Variants in GLOD4 observed in about 807,000 individuals in gnomAD.
The protein encoded by GLOD4 is glyoxalase domain containing 4.
GLOD4 carries 44 observed loss-of-function variants against 39.1 expected under a neutral mutation model. That is an observed-to-expected ratio of 1.13 (90% confidence interval 0.88 to 1.45). The LOEUF is 1.45. Among genes scored for constraint, GLOD4 ranks in the 40% most tolerant of loss-of-function variants. The pLI, the probability that GLOD4 is intolerant of heterozygous loss-of-function variation, is 0.00. For synonymous variants in GLOD4, 145 were observed against 135.0 expected (o/e 1.07, Z -0.52); for missense variants, 405 against 366.4 (o/e 1.11, Z -0.86).
In GLOD4 at chr17:779,228, T is replaced by A. The variant is rs1020833773; in HGVS notation, c.91-484A>T. On this transcript the variant is annotated intron_variant, in intron 1 of 8. Transcript: ENST00000301329. ...TACTCAGGAGGTTGAGGCAGGAGAA[T>A]CACTTGGACCATGAGATGGAGGTTG... Among the ~76,000 whole-genome samples the A allele has an allele frequency of 6.4e-5, 9 of 140,178 alleles. No homozygotes were observed. In the South Asian group the frequency reaches 1.8e-3, roughly 28 times the overall value. 92.0% of individuals were successfully genotyped at this position (140,178 alleles called of 152,430 possible).
intron 3 of GLOD4, 41 bp from the exon 4 acceptor site, chr17:775,960 A>G: frequency 6.3e-7 from 1 of 1,577,134 alleles, no homozygotes; most frequent in Non-Finnish European, 8.7e-7. Flanking sequence ...TGATCACAAC[A>G]GATATTTTAC....
At chr17:768,683 C>G (rs56028444) in intron 8 of GLOD4, among the ~76,000 whole-genome samples, 1 of 134,456 alleles carries the variant, frequency 7.4e-6, no homozygotes, top group Non-Finnish European at 1.6e-5. Flanking sequence ...AGAAACAGCG[C>G]GCACTCAGAT....
intron 4 of GLOD4, 43 bp from the exon 5 acceptor site, chr17:771,504 A>T: frequency 3.4e-6 from 4 of 1,189,850 alleles, no homozygotes; most frequent in Non-Finnish European, 4.7e-6. Context: ...AATTTAATAG[A>T]ATAAAATAGA....
chr17:772,187 G>GAAAA (rs58914913), intron 4 of GLOD4, among the ~76,000 whole-genome samples: 8 of 50,860 alleles, frequency 1.6e-4, no homozygotes, highest in Non-Finnish European at 2.7e-4. Context: ...ACCCTATCTC[G>GAAAA]AAAAAAAAAA....
chr17:774,434 C>T (rs2144410303), intron 4 of GLOD4, among the ~76,000 whole-genome samples: 1 of 152,350 alleles, frequency 6.6e-6, no homozygotes, highest in South Asian at 2.1e-4. Flanking sequence ...CCCGTTTTTG[C>T]TTTTGTTTTG....
At chr17:774,312 G>A (rs1055058409) in intron 4 of GLOD4, among the ~76,000 whole-genome samples, 3 of 152,174 alleles carry the variant, frequency 2.0e-5, no homozygotes, top group East Asian at 1.9e-4. Flanking sequence ...ACAGGAGGCC[G>A]ACCAGTGAAG....
At position 767,951 on chromosome 17, in the gene GLOD4, G is replaced by C. The variant is rs1236731018; in HGVS notation, c.831+1918C>G. Among the ~76,000 whole-genome samples, 3 of 142,902 alleles carry C rather than the reference G, an allele frequency of 2.1e-5. 1 individual carries two copies. Among genetic ancestry groups the C allele is most frequent in the African/African-American group, 8.0e-5 (3 of 37,470 alleles). 93.7% of individuals were successfully genotyped at this position (142,902 alleles called of 152,430 possible). A position where few individuals can be genotyped will look rare whatever the true frequency, so the allele number is the denominator to read the frequency against. On this transcript the variant is annotated intron_variant, in intron 8 of 8. Coordinates refer to ENST00000301329, the MANE Select transcript of GLOD4 (RefSeq NM_016080.4). ...AAATCTGGAGAGGACGTAAGAGAGA[G>C]AAACAGCGCGCACTCAGATTTTTAG...
At chr17:783,104 G>C (rs376897980), upstream of GLOD4, 2 of 1,613,358 alleles carry the variant, frequency 1.2e-6, no homozygotes, top group Non-Finnish European at 1.7e-6. Flanking sequence ...CAATAGTAAA[G>C]TCCAGGCCAT....
chr17:782,601 C>G, upstream of GLOD4: 2 of 1,614,056 alleles, frequency 1.2e-6, no homozygotes, highest in Non-Finnish European at 1.7e-6. Flanking sequence ...AGAGAAACAA[C>G]CGCTCGAGGA....
At chr17:766,506 G>A (rs1906592652) in intron 8 of GLOD4, among the ~76,000 whole-genome samples, 1 of 152,076 alleles carries the variant, frequency 6.6e-6, no homozygotes, top group African/African-American at 2.4e-5. Context: ...TGAGGCAGGA[G>A]AATCGCTTGA....
intron 8 of GLOD4, among the ~76,000 whole-genome samples, chr17:766,774 C>T (rs1315418394): frequency 6.6e-6 from 1 of 152,168 alleles, no homozygotes; most frequent in Non-Finnish European, 1.5e-5. Context: ...TGGCAAGTGC[C>T]TGTAGTTCCA....
At chr17:766,479 C>A (rs1906588524) in intron 8 of GLOD4, among the ~76,000 whole-genome samples, 1 of 152,026 alleles carries the variant, frequency 6.6e-6, no homozygotes, top group South Asian at 2.1e-4. Context: ...GCCTGTAATC[C>A]CAGCTACTTG....
At chr17:782,568 G>A, upstream of GLOD4, 1 of 1,614,136 alleles carries the variant, frequency 6.2e-7, no homozygotes, top group Non-Finnish European at 8.5e-7. Flanking sequence ...GGCACCATCT[G>A]AGGCCAGTGC....
chr17:776,324 T>C (rs1274844896), intron 3 of GLOD4, among the ~76,000 whole-genome samples: 2 of 152,210 alleles, frequency 1.3e-5, no homozygotes, highest in Non-Finnish European at 2.9e-5. Flanking sequence ...TTAATCAAAG[T>C]GCCTAGAAAT....
intron 4 of GLOD4, among the ~76,000 whole-genome samples, chr17:772,047 G>A (rs902043995): frequency 2.0e-5 from 3 of 147,824 alleles, no homozygotes; most frequent in African/African-American, 7.5e-5. Context: ...AGATTAGACA[G>A]GCGTGGTGGC....
chr17:772,946 G>A (rs1029320266), intron 4 of GLOD4, among the ~76,000 whole-genome samples: 1 of 151,592 alleles, frequency 6.6e-6, no homozygotes, highest in Non-Finnish European at 1.5e-5. Flanking sequence ...AGTGAGCCCA[G>A]AGCGCGCCAC....
chr17:779,427 C>T (rs1175167079), intron 1 of GLOD4, among the ~76,000 whole-genome samples: 1 of 147,662 alleles, frequency 6.8e-6, no homozygotes, highest in Non-Finnish European at 1.5e-5. Context: ...GTCGGGAGTT[C>T]GAGACCAGCC....
chr17:772,823 G>A lies in GLOD4; in HGVS notation c.407-1362C>T, dbSNP rs143411630. The stretch of plus-strand genomic sequence containing the variant: ...ATCCTGGCTAACACGGTGAAACCCC[G>A]TCTCTACTAAAAATACAAAAAATTA... On this transcript the variant is annotated intron_variant, in intron 4 of 8. Transcript: ENST00000301329. Among the ~76,000 whole-genome samples, 25 of 152,024 alleles carry A rather than the reference G, an allele frequency of 1.6e-4. No homozygotes were observed. In the South Asian group the frequency reaches 3.7e-3, roughly 23 times the overall value.
chr17:783,898 A>G (rs1050312667), upstream of GLOD4, among the ~76,000 whole-genome samples: 1 of 152,172 alleles, frequency 6.6e-6, no homozygotes, highest in African/African-American at 2.4e-5. Context: ...TCTATGTCAG[A>G]TTAAAAATTA....
Sources: allele counts gnomAD v4.1 joint callset (sites outside exome capture counted in the v4.1 genomes callset), GRCh38; gene constraint gnomAD v4.1.1; transcripts MANE v1.5; gene names NCBI Gene and HGNC (gene_info 2026-07-23, HGNC 2026-07-21).